The following USP24 variants were observed in gnomAD, a reference collection of about 807,000 sequenced individuals.
USP24 encodes ubiquitin carboxyl-terminal hydrolase 24.
USP24 carries 97 observed loss-of-function variants against 361.6 expected under a neutral mutation model. The observed-to-expected ratio is 0.27, with a 90% CI of 0.23 to 0.32. The LOEUF (loss-of-function observed/expected upper bound fraction) is 0.32. Ranked by LOEUF, USP24 falls within the 10% of genes least tolerant of loss-of-function variation. The pLI, the probability that USP24 is intolerant of heterozygous loss-of-function variation, is 1.00. For missense variants in USP24, 2,353 were observed against 3,165.6 expected (o/e 0.74, Z 6.16); for synonymous variants, 1,098 against 1,124.6 (o/e 0.98, Z 0.47).
chr1:55,210,910 G>A lies in USP24; in HGVS notation c.324+3880C>T, dbSNP rs114987977. The stretch of plus-strand genomic sequence containing the variant: ...AGAAAGGTATTTCCTCAGTTAATAT[G>A]AAATCTCCTTCCAAAAACTTCCATT... On this transcript the variant is annotated intron_variant, in intron 1 of 67. Coordinates refer to ENST00000294383, the MANE Select transcript of USP24 (RefSeq NM_015306.3). 6.1e-3 allele frequency among the ~76,000 whole-genome samples: 931 copies of A among 152,298 alleles called. 7 individuals carry two copies. The highest frequency in any genetic ancestry group is 0.021 in the African/African-American group (893 of 41,536).
intron 3 of USP24, among the ~76,000 whole-genome samples, chr1:55,175,750 G>T (rs889523269): frequency 2.0e-5 from 3 of 152,112 alleles, no homozygotes; most frequent in African/African-American, 7.2e-5. Flanking sequence ...AGGATTCAAG[G>T]CTCATCTGCT....
chr1:55,091,594 T>C (rs1210095500), intron 54 of USP24, among the ~76,000 whole-genome samples: 2 of 151,956 alleles, frequency 1.3e-5, no homozygotes, highest in South Asian at 2.1e-4. Context: ...GCTCCAGGAG[T>C]CTCTCACACG....
At chr1:55,180,160 C>T (rs1283670739) in intron 1 of USP24, among the ~76,000 whole-genome samples, 1 of 152,178 alleles carries the variant, frequency 6.6e-6, no homozygotes, top group African/African-American at 2.4e-5. Context: ...ACATACTCTT[C>T]CAGAACCTTG....
intron 67 of USP24, among the ~76,000 whole-genome samples, chr1:55,069,331 G>A (rs968760394): frequency 3.3e-5 from 5 of 152,158 alleles, no homozygotes; most frequent in Non-Finnish European, 7.4e-5. Flanking sequence ...ACAACCCAGC[G>A]ACTTGTCTAA....
chr1:55,123,591 T>G lies in USP24; in HGVS notation c.4132A>C (p.Ser1378Arg), dbSNP rs1006328858. ...ACTGGTTCTCCTTCACTTCCAGAGC[T>G]GCAATTGCTTCCTGAAAACAGGTAA... ...NRLSSSGSNC[S>R]SGSEGEPVAL... is the part of the protein sequence containing the mutation. The change falls in exon 36 of 68, where the codon AGC (serine) becomes CGC (arginine). Residue 1378 changes from serine (S) to arginine (R), a missense_variant. Around this residue, in one of 8 missense-constraint regions of USP24, gnomAD observed 949 missense variants for 1,280.5 expected, o/e 0.74. Coordinates refer to ENST00000294383, the MANE Select transcript of USP24 (RefSeq NM_015306.3). 6.3e-7 allele frequency: 1 copy of G among 1,592,400 alleles called. No homozygotes were observed. Among genetic ancestry groups the G allele is most frequent in the African/African-American group, 1.3e-5 (1 of 74,564 alleles).
intron 61 of USP24, 55 bp from the exon 62 acceptor site, chr1:55,077,355 A>G: frequency 6.8e-7 from 1 of 1,473,328 alleles, no homozygotes; most frequent in Non-Finnish European, 9.2e-7. Context: ...TTGGAATGGC[A>G]ATTAACAATG....
intron 39 of USP24, among the ~76,000 whole-genome samples, chr1:55,109,506 C>A (rs78235946): frequency 0.025 from 3,742 of 152,264 alleles, 57 homozygotes; most frequent in Non-Finnish European, 0.037. Context: ...TTCCTTTTTA[C>A]CTCTGGCCTT....
Position 55,147,734 on chromosome 1 carries a change from G to C in USP24, c.2033C>G (p.Ala678Gly). Residue 678 changes from alanine (A) to glycine (G), a missense_variant, in exon 18 of 68, where the codon GCT (alanine) becomes GGT (glycine). Transcript: ENST00000294383. Reference sequence around the variant, plus strand: ...CACAGCAGCTGCAAGCCGATGACAAGCGATCAAACTTCCCGTTACCAATTT... The same window carrying C: ...CACAGCAGCTGCAAGCCGATGACAACCGATCAAACTTCCCGTTACCAATTT... Reference protein sequence around the residue: ...IVKLVTGSLIACHRLAAAVAG... With the variant: ...IVKLVTGSLIGCHRLAAAVAG... The C allele has an allele frequency of 6.2e-7, 1 of 1,612,822 alleles. No homozygotes were observed. The highest frequency in any genetic ancestry group is 1.3e-5 in the African/African-American group (1 of 75,032).
intron 3 of USP24, among the ~76,000 whole-genome samples, chr1:55,175,219 CTTTTTTT>C (rs3072970): frequency 3.0e-5 from 2 of 66,914 alleles, no homozygotes; most frequent in South Asian, 7.4e-4. Flanking sequence ...TACTGGGTCT[CTTTTTTT>C]TTTTTTTTTT....
At chr1:55,176,294 A>G in intron 3 of USP24, 82 bp downstream of exon 3, 1 of 1,299,032 alleles carries the variant, frequency 7.7e-7, no homozygotes. Context: ...AAAAAACTAA[A>G]ATTAAAACAA....
At chr1:55,074,862 T>C (rs1372384300) in intron 63 of USP24, among the ~76,000 whole-genome samples, 1 of 152,018 alleles carries the variant, frequency 6.6e-6, no homozygotes. Flanking sequence ...AATCTCTTAA[T>C]ACATAGCAAA....
At position 55,077,289 on chromosome 1, in the gene USP24, TTC is replaced by T; in HGVS notation, c.7324_7325del (p.Glu2442AsnfsTer6). 1 of 1,517,576 alleles carries T rather than the reference TTC, an allele frequency of 6.6e-7. No individual in the cohort carries two copies. The highest frequency in any genetic ancestry group is 1.9e-5 in the Admixed American group (1 of 52,410). The allele number at this position is 1,517,576 out of a possible 1,614,324, so 94.0% of individuals were successfully genotyped here. ...TCTTTAACTCATGAGGTGGAGCCGT[TTC>T]TAGTTGGTTCTGAAATATTTTTTAA... ...TMLHFIKNQL[E>X]TAPPHELKNT... On this transcript the variant is annotated frameshift_variant, in exon 62 of 68. Coordinates refer to ENST00000294383, the MANE Select transcript of USP24 (RefSeq NM_015306.3). LOFTEE classifies it high-confidence loss of function.
At chr1:55,141,955 T>C (rs1646901352) in intron 23 of USP24, among the ~76,000 whole-genome samples, 1 of 152,094 alleles carries the variant, frequency 6.6e-6, no homozygotes. Context: ...AGAGGCAAAA[T>C]AAGCCCCAGC....
At chr1:55,132,766 T>C (rs1258813333) in intron 30 of USP24, 66 bp from the exon 31 acceptor site, 1 of 1,467,098 alleles carries the variant, frequency 6.8e-7, no homozygotes, top group East Asian at 2.4e-5. Flanking sequence ...AAACAGATCT[T>C]AGTACACGTC....
At chr1:55,098,232 A>T in intron 46 of USP24, 148 bp from the exon 47 acceptor site, 1 of 1,091,612 alleles carries the variant, frequency 9.2e-7, no homozygotes, top group Non-Finnish European at 1.3e-6. Flanking sequence ...TTAAAATGCC[A>T]CTTTGTGACA....
chr1:55,112,996 T>C lies in USP24; in HGVS notation c.4509-2750A>G, dbSNP rs187752610. Among the ~76,000 whole-genome samples the C allele has an allele frequency of 3.4e-3, 518 of 152,346 alleles. 3 individuals are homozygous for C. Among genetic ancestry groups the C allele is most frequent in the African/African-American group, 0.012 (489 of 41,578 alleles). Reference sequence around the variant, plus strand: ...AGGATAGTTAGCTCTTTTTGTTGCATTGATATCTTTACCATTGTGTAATGC... The same window carrying C: ...AGGATAGTTAGCTCTTTTTGTTGCACTGATATCTTTACCATTGTGTAATGC... On this transcript the variant is annotated intron_variant, in intron 38 of 67. Coordinates refer to ENST00000294383, the MANE Select transcript of USP24 (RefSeq NM_015306.3).
intron 1 of USP24, among the ~76,000 whole-genome samples, chr1:55,212,233 T>TTCGA (rs1644862830): frequency 6.6e-6 from 1 of 152,254 alleles, no homozygotes; most frequent in African/African-American, 2.4e-5. Context: ...CTACCCATTA[T>TTCGA]TCGATTCTTA....
intron 56 of USP24, among the ~76,000 whole-genome samples, chr1:55,084,800 A>C (rs1186056556): frequency 6.6e-6 from 1 of 152,218 alleles, no homozygotes; most frequent in Non-Finnish European, 1.5e-5. Context: ...AATGGCTTCC[A>C]AGTGTATGGC....
At chr1:55,113,703 C>A (rs1009153150) in intron 38 of USP24, among the ~76,000 whole-genome samples, 2 of 152,182 alleles carry the variant, frequency 1.3e-5, no homozygotes. Flanking sequence ...GGCTTCATCC[C>A]TGGGATGCAA....
Sources: allele counts gnomAD v4.1 joint callset (sites outside exome capture counted in the v4.1 genomes callset), GRCh38; gene constraint gnomAD v4.1.1; regional missense constraint gnomAD v4.1.1; transcripts MANE v1.5; gene names NCBI Gene and HGNC (gene_info 2026-07-23, HGNC 2026-07-21).